The following FRMD4A variants were observed in gnomAD, a reference collection of about 807,000 sequenced individuals.
FRMD4A encodes FERM domain-containing protein 4A.
FRMD4A carries 29 observed loss-of-function variants against 129.1 expected under a neutral mutation model. The ratio of observed to expected loss-of-function variants is 0.22; its 90% confidence interval spans 0.17 to 0.31. FRMD4A has a LOEUF of 0.31. Among genes scored for constraint, FRMD4A ranks in the 10% least tolerant of loss-of-function variants. FRMD4A has a pLI of 1.00. For missense variants in FRMD4A, 1,272 were observed against 1,375.8 expected (o/e 0.92, Z 1.19); for synonymous variants, 634 against 571.6 (o/e 1.11, Z -1.56).
chr10:14,299,182 T>A (rs1415649394), intron 2 of FRMD4A, among the ~76,000 whole-genome samples: 1 of 152,166 alleles, frequency 6.6e-6, no homozygotes, highest in Non-Finnish European at 1.5e-5. Context: ...GCTAAGGATA[T>A]CCCATTCTCT....
chr10:14,240,017 T>C (rs1843984583), intron 2 of FRMD4A, among the ~76,000 whole-genome samples: 1 of 152,200 alleles, frequency 6.6e-6, no homozygotes, highest in Non-Finnish European at 1.5e-5. Context: ...GTAAATCAAA[T>C]CATGTATTGA....
At chr10:14,087,224 A>G (rs965399008) in intron 2 of FRMD4A, among the ~76,000 whole-genome samples, 1 of 147,762 alleles carries the variant, frequency 6.8e-6, no homozygotes, top group East Asian at 1.9e-4. Context: ...ATTATAAATT[A>G]TATATTAATT....
At chr10:14,282,806 G>A (rs1014039209) in intron 2 of FRMD4A, among the ~76,000 whole-genome samples, 4 of 152,154 alleles carry the variant, frequency 2.6e-5, no homozygotes, top group African/African-American at 4.8e-5. Context: ...TTTAAAATTA[G>A]GGTTCTTCAA....
chr10:13,756,099 A>G (rs1312131483), intron 8 of FRMD4A: 5 of 152,208 alleles, frequency 3.3e-5, no homozygotes, highest in Non-Finnish European at 7.4e-5. Context: ...AGTGATTAGC[A>G]TCAGTATATC....
intron 8 of FRMD4A, among the ~76,000 whole-genome samples, chr10:13,750,107 AT>A (rs1321336452): frequency 0.018 from 458 of 26,114 alleles, 2 homozygotes; most frequent in African/African-American, 0.022. Flanking sequence ...AAAGAAAGAA[AT>A]GAAGAAAGAA....
chr10:14,328,612 T>C (rs1013387529), intron 2 of FRMD4A, among the ~76,000 whole-genome samples: 2 of 142,736 alleles, frequency 1.4e-5, no homozygotes, highest in Non-Finnish European at 3.0e-5. Context: ...CTAGATAATA[T>C]AATATACATA....
chr10:13,858,963 G>A (rs1051870045), intron 2 of FRMD4A, 51 bp from the exon 3 acceptor site: 1 of 1,127,072 alleles, frequency 8.9e-7, no homozygotes, highest in Non-Finnish European at 1.4e-6. Context: ...GCCAGACAAA[G>A]GGTTAGAGGG....
intron 2 of FRMD4A, among the ~76,000 whole-genome samples, chr10:14,004,886 T>A (rs1020861): frequency 0.14 from 21,032 of 152,244 alleles, 1,681 homozygotes; most frequent in African/African-American, 0.22. Context: ...GCACCTAAAT[T>A]GTCTTTGTTA....
At chr10:14,246,531 G>A (rs1024010059) in intron 2 of FRMD4A, among the ~76,000 whole-genome samples, 3 of 151,936 alleles carry the variant, frequency 2.0e-5, no homozygotes, top group East Asian at 1.9e-4. Context: ...ACATGTGGAC[G>A]TATATGCACA....
chr10:13,833,160 G>C (rs2093816854), intron 3 of FRMD4A, among the ~76,000 whole-genome samples: 1 of 152,082 alleles, frequency 6.6e-6, no homozygotes, highest in South Asian at 2.1e-4. Context: ...TTCTCACATT[G>C]CCAATAAAGA....
chr10:13,782,485 C>G (rs2092761986), intron 6 of FRMD4A, among the ~76,000 whole-genome samples: 1 of 150,770 alleles, frequency 6.6e-6, no homozygotes, highest in Non-Finnish European at 1.5e-5. Flanking sequence ...CCGCCTGTCA[C>G]CAGGCTGGAG....
chr10:14,104,087 A>T (rs1301978024), intron 2 of FRMD4A, among the ~76,000 whole-genome samples: 1 of 152,172 alleles, frequency 6.6e-6, no homozygotes, highest in Non-Finnish European at 1.5e-5. Flanking sequence ...TGCTTCCCAC[A>T]TTCCACCTGC....
At chr10:14,174,538 A>G (rs1476661081) in intron 2 of FRMD4A, among the ~76,000 whole-genome samples, 1 of 138,468 alleles carries the variant, frequency 7.2e-6, no homozygotes, top group South Asian at 2.2e-4. Flanking sequence ...TTGTTCGTTC[A>G]TTCATTCATT....
intron 2 of FRMD4A, among the ~76,000 whole-genome samples, chr10:13,920,919 C>T (rs2095063218): frequency 6.6e-6 from 1 of 152,148 alleles, no homozygotes; most frequent in African/African-American, 2.4e-5. Context: ...TCACTATGTG[C>T]CAGGCACTGC....
chr10:14,110,440 T>A (rs78646997), intron 2 of FRMD4A, among the ~76,000 whole-genome samples: 1 of 152,058 alleles, frequency 6.6e-6, no homozygotes, highest in African/African-American at 2.4e-5. Flanking sequence ...ACAGCAAACT[T>A]GAGAGATTTT....
rs1565185601 is a variant in FRMD4A, at chr10:14,015,018, C to CT, written c.46-156107_46-156106insA. ...TTATCTCCTTCCTTCCTCCCTCCCT[C>CT]CCTTCCTTCCTTCCTCCCTCCCTTC... On this transcript the variant is annotated intron_variant, in intron 2 of 24. Coordinates refer to ENST00000357447, the MANE Select transcript of FRMD4A (RefSeq NM_018027.5). Among the ~76,000 whole-genome samples, 234 of 137,052 alleles carry CT rather than the reference C, an allele frequency of 1.7e-3. 3 individuals are homozygous for CT. The highest frequency in any genetic ancestry group is 6.3e-3 in the African/African-American group (232 of 36,680). 89.9% of individuals were successfully genotyped at this position (137,052 alleles called of 152,430 possible). A position where few individuals can be genotyped will look rare whatever the true frequency, so the allele number is the denominator to read the frequency against.
chr10:13,987,617 G>C (rs138292322), intron 2 of FRMD4A, among the ~76,000 whole-genome samples: 4 of 152,194 alleles, frequency 2.6e-5, no homozygotes, highest in Admixed American at 2.0e-4. Context: ...TACAACCTGC[G>C]GCCAACAGAG....
intron 2 of FRMD4A, among the ~76,000 whole-genome samples, chr10:14,222,370 C>T (rs1023736735): frequency 6.6e-5 from 10 of 152,164 alleles, no homozygotes; most frequent in Admixed American, 2.6e-4. Flanking sequence ...GTGCGAAATG[C>T]GTAGCCAAGC....
At chr10:13,783,474 T>A (rs1053139021) in intron 5 of FRMD4A, among the ~76,000 whole-genome samples, 9 of 151,908 alleles carry the variant, frequency 5.9e-5, no homozygotes, top group Non-Finnish European at 8.8e-5. Flanking sequence ...AGCCTTGACC[T>A]CCCAGGCTCA....
Sources: gnomAD v4.1 joint callset for allele counts (sites outside exome capture counted in the v4.1 genomes callset) on GRCh38, gnomAD v4.1.1 for gene constraint, MANE v1.5 for transcripts, NCBI Gene and HGNC (gene_info 2026-07-23, HGNC 2026-07-21) for gene names.